The following NTN4 variants were observed in gnomAD, a reference collection of about 807,000 sequenced individuals.
NTN4 encodes netrin 4.
In NTN4, 32 loss-of-function variants were observed where a neutral mutation model predicts 73.6. That is an observed-to-expected ratio of 0.44 (90% CI 0.33 to 0.58). The LOEUF (loss-of-function observed/expected upper bound fraction) is 0.58. Among genes scored for constraint, NTN4 ranks in the 20% least tolerant of loss-of-function variants. The probability of loss-of-function intolerance (pLI) is 0.04; values close to 1 mark genes in which losing one functional copy is unlikely to be tolerated. For missense variants in NTN4, 654 were observed against 798.3 expected, an observed-to-expected ratio of 0.82 and a Z score of 2.18; for synonymous variants, 258 against 287.5, an observed-to-expected ratio of 0.90 and a Z score of 1.04.
At chr12:95,674,173 G>C (rs958481417) in intron 7 of NTN4, among the ~76,000 whole-genome samples, 1 of 146,768 alleles carries the variant, frequency 6.8e-6, no homozygotes, top group South Asian at 2.2e-4. Context: ...AAAAAAAAAA[G>C]AAAAGAAATT....
rs967961600 is a variant in NTN4 at position 95,658,838 on chromosome 12, G to A, written c.*248C>T. The A allele has an allele frequency of 3.2e-6, 1 of 315,106 alleles. No homozygotes were observed. Among genetic ancestry groups the A allele is most frequent in the Non-Finnish European group, 5.7e-6 (1 of 174,336 alleles). 19.5% of individuals were successfully genotyped at this position (315,106 alleles called of 1,614,324 possible). On this transcript the variant is annotated 3_prime_UTR_variant, in exon 10 of 10. Transcript: ENST00000343702. ...TGCTGCTATTAAAATATTCTTAATA[G>A]TTAAGAATTTCAGAATCAGTCCCAT...
At chr12:95,687,385 T>A (rs547476183) in intron 5 of NTN4, among the ~76,000 whole-genome samples, 17 of 148,404 alleles carry the variant, frequency 1.1e-4, no homozygotes, top group African/African-American at 3.5e-4. Flanking sequence ...TGAAAAAAAA[T>A]TTTTTTTTTT....
At chr12:95,719,631 T>C (rs1228660242) in intron 3 of NTN4, among the ~76,000 whole-genome samples, 1 of 152,216 alleles carries the variant, frequency 6.6e-6, no homozygotes, top group Non-Finnish European at 1.5e-5. Flanking sequence ...GACAAAAACA[T>C]GCACAACAAA....
chr12:95,669,584 TGGAGA>T (rs1388385857), intron 8 of NTN4, among the ~76,000 whole-genome samples: 12 of 108,346 alleles, frequency 1.1e-4, no homozygotes, highest in African/African-American at 4.2e-4. Flanking sequence ...GAAACAAATT[TGGAGA>T]GGTTAAGTCT....
Position 95,787,251 on chromosome 12 carries a change from T to A in NTN4, c.273A>T (p.Pro91=), listed in dbSNP as rs1385245050. The A allele has an allele frequency of 2.5e-6, 4 of 1,614,070 alleles. No homozygotes were observed. Among genetic ancestry groups the A allele is most frequent in the Non-Finnish European group, 3.4e-6 (4 of 1,180,036 alleles). ...NAAYPHLAHL[P]SAMADSSFRF... ...GGAAGGATGAGTCTGCCATGGCAGATGGCAGGTGAGCCAGGTGAGGATAGG... is the reference window on the plus strand; with the variant it reads ...GGAAGGATGAGTCTGCCATGGCAGAAGGCAGGTGAGCCAGGTGAGGATAGG... The change falls in exon 2 of 10, where the codon CCA becomes CCT. Residue 91 remains proline (P), a synonymous_variant. Transcript: ENST00000343702.
chr12:95,716,250 T>TA (rs1210887358), intron 3 of NTN4, among the ~76,000 whole-genome samples: 1 of 152,146 alleles, frequency 6.6e-6, no homozygotes, highest in Non-Finnish European at 1.5e-5. Context: ...CAAAGTCAAT[T>TA]AGTGCTGTCT....
At chr12:95,672,922 G>A (rs1592655476) in intron 7 of NTN4, 9 of 1,166,610 alleles carry the variant, frequency 7.7e-6, no homozygotes, top group East Asian at 2.3e-5. Context: ...GGCTATCATG[G>A]AGCTGAACCT....
At chr12:95,686,435 A>G (rs1218331877) in intron 5 of NTN4, among the ~76,000 whole-genome samples, 1 of 152,300 alleles carries the variant, frequency 6.6e-6, no homozygotes, top group East Asian at 1.9e-4. Context: ...GCCAGTTCAT[A>G]AAAGATGAAT....
chr12:95,659,108 A>T lies in NTN4; in HGVS notation c.1865T>A (p.Ile622Asn). ...KPSLGRKVMDILKRECK is the reference protein window; with the variant it reads ...KPSLGRKVMDNLKRECK ...ATGCTACTTGCACTCTCTTTTTAAA[A>T]TATCCATGACTTTTCTTCCAAGAGA... is the stretch of plus-strand genomic sequence containing the variant. The change falls in exon 10 of 10, where the codon ATT becomes AAT. Residue 622 changes from isoleucine to asparagine, a missense_variant. By Grantham distance (149) the Ile-to-Asn change is moderately radical. Coordinates refer to ENST00000343702, the MANE Select transcript of NTN4 (RefSeq NM_021229.4). 1 of 1,612,906 alleles carries T rather than the reference A, an allele frequency of 6.2e-7. No individual in the cohort carries two copies. The highest frequency in any genetic ancestry group is 8.5e-7 in the Non-Finnish European group (1 of 1,179,726).
chr12:95,658,955 A>C lies in NTN4; in HGVS notation c.*131T>G. On this transcript the variant is annotated 3_prime_UTR_variant, in exon 10 of 10. Coordinates refer to ENST00000343702, the MANE Select transcript of NTN4 (RefSeq NM_021229.4). The stretch of plus-strand genomic sequence containing the variant: ...GTCCAGAAGAGATAAGTTAGATAAG[A>C]CCCATGCATTCAAACATTTCTATAT... The C allele has an allele frequency of 1.3e-6, 1 of 753,894 alleles. No individual in the cohort carries two copies. 46.7% of individuals were successfully genotyped at this position (753,894 alleles called of 1,614,324 possible).
At chr12:95,723,661 G>GTAACTGGGATTA (rs1165357125) in intron 3 of NTN4, among the ~76,000 whole-genome samples, 221 of 151,940 alleles carry the variant, frequency 1.5e-3, no homozygotes, top group African/African-American at 4.8e-3. Flanking sequence ...GATTACAGGC[G>GTAACTGGGATTA]CCACCACACC....
chr12:95,665,908 A>C lies in NTN4; in HGVS notation c.1652T>G (p.Val551Gly). 1 of 1,613,418 alleles carries C rather than the reference A, an allele frequency of 6.2e-7. No individual in the cohort carries two copies. Among genetic ancestry groups the C allele is most frequent in the Middle Eastern group, 1.7e-4 (1 of 6,058 alleles). ...AATCTTCAGTTTGGTAGATTTTAAG[A>C]CCTTTTTAATCTTCACATTGACCTC... The part of the protein sequence containing the change: ...HVEVNVKIKK[V>G]LKSTKLKIFR... The change falls in exon 9 of 10, where the codon GTC becomes GGC. Residue 551 changes from valine (V) to glycine (G), a missense_variant. Coordinates refer to ENST00000343702, the MANE Select transcript of NTN4 (RefSeq NM_021229.4).
At chr12:95,692,102 C>T (rs368431089) in intron 5 of NTN4, among the ~76,000 whole-genome samples, 1 of 152,110 alleles carries the variant, frequency 6.6e-6, no homozygotes. Context: ...ATGGTGTGAT[C>T]TCTGCTCACT....
intron 2 of NTN4, among the ~76,000 whole-genome samples, chr12:95,759,025 T>A (rs77532743): frequency 0.028 from 4,250 of 152,284 alleles, 207 homozygotes; most frequent in African/African-American, 0.096. Flanking sequence ...TCATTTTGAG[T>A]TAATTTTTCT....
chr12:95,675,239 A>G (rs573739576), intron 7 of NTN4, among the ~76,000 whole-genome samples: 45 of 152,310 alleles, frequency 3.0e-4, no homozygotes, highest in African/African-American at 9.9e-4. Context: ...GCCATTAGGA[A>G]AATTATCACG....
chr12:95,746,728 G>A (rs1449950930), intron 2 of NTN4, among the ~76,000 whole-genome samples: 1 of 152,150 alleles, frequency 6.6e-6, no homozygotes, highest in Non-Finnish European at 1.5e-5. Flanking sequence ...AGATTCTCGA[G>A]TCCTTAAGTC....
At chr12:95,678,199 C>T (rs1452330707) in intron 7 of NTN4, among the ~76,000 whole-genome samples, 1 of 140,280 alleles carries the variant, frequency 7.1e-6, no homozygotes, top group African/African-American at 2.7e-5. Flanking sequence ...GTGTGGGGGG[C>T]GAGGGGAGGG....
At chr12:95,770,993 T>TTTTGTTTTTCTTTTTTTC (rs1555221588) in intron 2 of NTN4, among the ~76,000 whole-genome samples, 1 of 130,726 alleles carries the variant, frequency 7.6e-6, no homozygotes, top group Admixed American at 7.4e-5. Context: ...AAAGAATTTG[T>TTTTGTTTTTCTTTTTTTC]TTTTTTTTTT....
chr12:95,775,832 A>G (rs1474697269), intron 2 of NTN4, among the ~76,000 whole-genome samples: 1 of 152,180 alleles, frequency 6.6e-6, no homozygotes, highest in Non-Finnish European at 1.5e-5. Context: ...TGAAGAGAGT[A>G]GTGGTTCTCC....
Sources: allele counts gnomAD v4.1 joint callset (sites outside exome capture counted in the v4.1 genomes callset), GRCh38; gene constraint gnomAD v4.1.1; transcripts MANE v1.5; gene names NCBI Gene and HGNC (gene_info 2026-07-23, HGNC 2026-07-21).